DGKB: variants seen among roughly 807,000 people sequenced by gnomAD.
DGKB encodes diacylglycerol kinase beta.
A neutral mutation model predicts 114.3 loss-of-function variants in DGKB; 67 were observed. The ratio of observed to expected loss-of-function variants is 0.59; its 90% CI spans 0.48 to 0.72. The LOEUF is 0.72. Among genes scored for constraint, DGKB ranks in the 30% least tolerant of loss-of-function variants. DGKB has a pLI of 0.00. For synonymous variants in DGKB, 398 were observed against 323.1 expected (o/e 1.23, Z -2.49); for missense variants, 907 against 975.2 (o/e 0.93, Z 0.93).
chr7:14,848,446 G>C (rs1161624513), intron 1 of DGKB, among the ~76,000 whole-genome samples: 1 of 152,194 alleles, frequency 6.6e-6, no homozygotes, highest in Non-Finnish European at 1.5e-5. Flanking sequence ...TCATATATCT[G>C]AATTGAATGT....
intron 23 of DGKB, among the ~76,000 whole-genome samples, chr7:14,285,888 ATCT>A (rs1322209026): frequency 1.3e-5 from 2 of 152,106 alleles, no homozygotes; most frequent in Non-Finnish European, 2.9e-5. Context: ...TAAATATCAC[ATCT>A]TCTTTGTGCT....
intron 3 of DGKB, among the ~76,000 whole-genome samples, chr7:14,757,057 G>C (rs1318778153): frequency 6.6e-6 from 1 of 152,022 alleles, no homozygotes; most frequent in African/African-American, 2.4e-5. Flanking sequence ...GAAATCTTAA[G>C]CTTACTGGTA....
chr7:14,508,813 A>AGTG (rs1787523784), intron 20 of DGKB, among the ~76,000 whole-genome samples: 1 of 151,314 alleles, frequency 6.6e-6, no homozygotes, highest in African/African-American at 2.5e-5. Flanking sequence ...TTGACCCCAG[A>AGTG]TCTAGTGTTT....
chr7:14,318,634 A>T (rs1807107128), intron 23 of DGKB, among the ~76,000 whole-genome samples: 1 of 152,162 alleles, frequency 6.6e-6, no homozygotes, highest in Middle Eastern at 3.4e-3. Flanking sequence ...AAGTCAGGAA[A>T]CAACAGGTGC....
intron 2 of DGKB, among the ~76,000 whole-genome samples, chr7:14,810,600 CT>C (rs200533351): frequency 1.3e-5 from 2 of 151,570 alleles, no homozygotes; most frequent in Admixed American, 6.6e-5. Flanking sequence ...CTAAGCCTTT[CT>C]TTTTTTTTCT....
chr7:14,864,245 A>G (rs1193322282), intron 1 of DGKB, among the ~76,000 whole-genome samples: 2 of 152,164 alleles, frequency 1.3e-5, no homozygotes, highest in Non-Finnish European at 2.9e-5. Flanking sequence ...GTGTTTTCCT[A>G]GTTGTGTTTA....
At chr7:14,431,962 G>T (rs1308763890) in intron 21 of DGKB, among the ~76,000 whole-genome samples, 1 of 149,618 alleles carries the variant, frequency 6.7e-6, no homozygotes, top group East Asian at 2.1e-4. Flanking sequence ...ATTTTGCAAT[G>T]TCTTGACATT....
intron 1 of DGKB, among the ~76,000 whole-genome samples, chr7:14,932,865 A>G (rs996667983): frequency 6.6e-6 from 1 of 152,176 alleles, no homozygotes; most frequent in Non-Finnish European, 1.5e-5. Flanking sequence ...GGGGGAAAAA[A>G]GAGGCAGTGA....
chr7:14,545,727 C>T (rs569779509), intron 20 of DGKB, among the ~76,000 whole-genome samples: 38 of 152,272 alleles, frequency 2.5e-4, no homozygotes, highest in Non-Finnish European at 4.7e-4. Flanking sequence ...TTTCTGGGAA[C>T]GTTTATTTTT....
intron 1 of DGKB, among the ~76,000 whole-genome samples, chr7:14,909,461 T>C (rs1188211229): frequency 1.3e-5 from 2 of 152,262 alleles, no homozygotes; most frequent in East Asian, 1.9e-4. Context: ...CATAGGTCTA[T>C]GTAGAGTGTT....
chr7:14,839,568 ATT>A (rs113109923), intron 2 of DGKB, among the ~76,000 whole-genome samples: 1 of 146,542 alleles, frequency 6.8e-6, no homozygotes. Context: ...TGCTGGGCTA[ATT>A]TTTTTTTTTT....
At chr7:14,277,421 C>T (rs1799191273) in intron 23 of DGKB, among the ~76,000 whole-genome samples, 1 of 152,190 alleles carries the variant, frequency 6.6e-6, no homozygotes, top group African/African-American at 2.4e-5. Flanking sequence ...CATCCACCCA[C>T]CTTGGCCTCC....
chr7:14,160,217 G>A (rs1783670593), intron 25 of DGKB, among the ~76,000 whole-genome samples: 1 of 152,058 alleles, frequency 6.6e-6, no homozygotes, highest in East Asian at 1.9e-4. Flanking sequence ...ACTGGCACAA[G>A]TCAAAGATAT....
intron 23 of DGKB, among the ~76,000 whole-genome samples, chr7:14,300,286 C>G (rs1803297917): frequency 6.6e-6 from 1 of 151,968 alleles, no homozygotes; most frequent in Non-Finnish European, 1.5e-5. Context: ...TCATTTTTTT[C>G]CCTCATCAAT....
chr7:14,694,872 TTGTTTGTGC>T (rs1184963805), intron 8 of DGKB, among the ~76,000 whole-genome samples: 1 of 152,176 alleles, frequency 6.6e-6, no homozygotes. Context: ...TCATATAGTG[TTGTTTGTGC>T]TATTATTAAT....
chr7:14,818,497 G>A (rs1463772852), intron 2 of DGKB, among the ~76,000 whole-genome samples: 3 of 152,124 alleles, frequency 2.0e-5, no homozygotes, highest in African/African-American at 4.8e-5. Context: ...ACTTCTGCAG[G>A]TACCCTTTCC....
At chr7:14,181,644 C>T (rs1038452610) in intron 23 of DGKB, among the ~76,000 whole-genome samples, 2 of 152,134 alleles carry the variant, frequency 1.3e-5, no homozygotes, top group Non-Finnish European at 2.9e-5. Flanking sequence ...TGCAACCAGA[C>T]CTGGAGATTC....
intron 13 of DGKB, among the ~76,000 whole-genome samples, chr7:14,657,078 G>C (rs150403018): frequency 6.6e-6 from 1 of 151,674 alleles, no homozygotes; most frequent in Non-Finnish European, 1.5e-5. Flanking sequence ...GTCCCTTCCA[G>C]TTTTCTTATG....
rs368229403 is a variant in DGKB, at chr7:14,299,913, CA to C, written c.2122+38601del. Among the ~76,000 whole-genome samples the C allele has an allele frequency of 3.5e-3, 520 of 149,510 alleles. 3 individuals carry two copies. Among genetic ancestry groups the C allele is most frequent in the African/African-American group, 0.012 (488 of 40,928 alleles). On this transcript the variant is annotated intron_variant, in intron 23 of 25. Coordinates refer to ENST00000402815, the MANE Select transcript of DGKB (RefSeq NM_001350709.2). ...AAAACCTTTAAAGTAAAGCAAAACA[CA>C]AAAAAAATACAAAAAAGCAAAAACC...
Sources: gnomAD v4.1 joint callset for allele counts (sites outside exome capture counted in the v4.1 genomes callset) on GRCh38, gnomAD v4.1.1 for gene constraint, MANE v1.5 for transcripts, NCBI Gene and HGNC (gene_info 2026-07-23, HGNC 2026-07-21) for gene names.